EPRS1: variants seen among roughly 807,000 people sequenced by gnomAD.
The protein encoded by EPRS1 is glutamyl-prolyl-tRNA synthetase 1, also known as bifunctional glutamate/proline--tRNA ligase.
EPRS1 carries 107 observed loss-of-function variants against 188.3 expected under a neutral mutation model. That is an observed-to-expected ratio of 0.57 (90% CI 0.49 to 0.67). The LOEUF (loss-of-function observed/expected upper bound fraction) is 0.67, where lower values mean the gene tolerates loss of function less well. EPRS1 is among the 30% of genes least tolerant of loss of function. The pLI is 0.00. For missense variants in EPRS1, 1,577 were observed against 1,802.2 expected, an observed-to-expected ratio of 0.88 and a Z score of 2.26; for synonymous variants, 596 against 593.1, an observed-to-expected ratio of 1.00 and a Z score of -0.07.
intron 18 of EPRS1, among the ~76,000 whole-genome samples, chr1:219,990,648 G>T (rs1558047528): frequency 6.6e-6 from 1 of 152,096 alleles, no homozygotes; most frequent in African/African-American, 2.4e-5. Flanking sequence ...AGAAAACAAA[G>T]ATCTAAATGT....
chr1:219,969,857 G>C (rs1382684043), intron 30 of EPRS1, among the ~76,000 whole-genome samples: 1 of 152,014 alleles, frequency 6.6e-6, no homozygotes, highest in East Asian at 1.9e-4. Context: ...GTCTTACTCT[G>C]TCACCCAGGA....
At chr1:219,970,722 G>A (rs1430612392) in intron 30 of EPRS1, among the ~76,000 whole-genome samples, 1 of 150,180 alleles carries the variant, frequency 6.7e-6, no homozygotes, top group East Asian at 2.0e-4. Flanking sequence ...AGGTTGCAGT[G>A]AGCCGAGATC....
intron 18 of EPRS1, among the ~76,000 whole-genome samples, chr1:219,995,989 T>C (rs1367804536): frequency 6.6e-6 from 1 of 152,188 alleles, no homozygotes; most frequent in African/African-American, 2.4e-5. Flanking sequence ...CAGCCTAAAT[T>C]CTACAATTTC....
rs137908310 is a variant in EPRS1 at position 219,995,317 on chromosome 1, C to T, written c.2541+1666G>A. On this transcript the variant is annotated intron_variant, in intron 18 of 31. Transcript: ENST00000366923. ...TAGTTGACTGTCACTCCAAGTACAA[C>T]GGTTGCTTCTGTTACTATTCCACCC... Among the ~76,000 whole-genome samples the T allele has an allele frequency of 1.8e-3, 279 of 152,280 alleles. 3 individuals carry two copies. Among genetic ancestry groups the T allele is most frequent in the African/African-American group, 6.1e-3 (252 of 41,552 alleles).
chr1:219,970,317 A>G lies in EPRS1; in HGVS notation c.4324-1195T>C, dbSNP rs562967754. Among the ~76,000 whole-genome samples the G allele has an allele frequency of 2.0e-5, 3 of 152,214 alleles. No individual in the cohort carries two copies. In the South Asian group the frequency reaches 6.2e-4, roughly 31 times the overall value. The stretch of plus-strand genomic sequence containing the variant: ...GTGTAAAGCAGCTGAAAATCTAGAG[A>G]TCTATGAAGGTGGAGACCCAAGAGA... On this transcript the variant is annotated intron_variant, in intron 30 of 31. Coordinates refer to ENST00000366923, the MANE Select transcript of EPRS1 (RefSeq NM_004446.3).
rs772230609 is a variant in EPRS1, at chr1:219,980,831, A to G, written c.3480T>C (p.Pro1160=). ...AAAGAAATTCACGAGTACGTAGGAAAGGCTGAGGATGCTTGAATTCCCAAC... is the reference window on the plus strand; with the variant it reads ...AAAGAAATTCACGAGTACGTAGGAAGGGCTGAGGATGCTTGAATTCCCAAC... ...VVRWEFKHPQ[P]FLRTREFLWQ... The change falls in exon 25 of 32, where the codon CCT becomes CCC. Residue 1160 remains proline (P), a synonymous_variant. Coordinates refer to ENST00000366923, the MANE Select transcript of EPRS1 (RefSeq NM_004446.3). 1 of 1,613,030 alleles carries G rather than the reference A, an allele frequency of 6.2e-7. No individual in the cohort carries two copies. The highest frequency in any genetic ancestry group is 1.1e-5 in the South Asian group (1 of 90,812).
intron 18 of EPRS1, among the ~76,000 whole-genome samples, chr1:219,994,286 A>C (rs1043795723): frequency 6.6e-6 from 1 of 151,996 alleles, no homozygotes; most frequent in Admixed American, 6.6e-5. Flanking sequence ...AGTGTGTGTG[A>C]GTGTGCCCTG....
intron 30 of EPRS1, among the ~76,000 whole-genome samples, chr1:219,970,516 C>T (rs1049072461): frequency 2.0e-5 from 3 of 152,084 alleles, no homozygotes; most frequent in Admixed American, 6.5e-5. Flanking sequence ...CAGTGGCTCA[C>T]GCCTGTAATC....
At chr1:220,034,047 C>T (rs1319716992) in intron 3 of EPRS1, among the ~76,000 whole-genome samples, 1 of 151,994 alleles carries the variant, frequency 6.6e-6, no homozygotes, top group Non-Finnish European at 1.5e-5. Context: ...ACTTAGAAAC[C>T]ATTCTGTGTA....
At chr1:219,993,174 A>C in intron 18 of EPRS1, among the ~76,000 whole-genome samples, 1 of 151,454 alleles carries the variant, frequency 6.6e-6, no homozygotes, top group Non-Finnish European at 1.5e-5. Context: ...GGCTGCAGTG[A>C]ACCATGATCA....
rs5030752 is a variant in EPRS1 at position 219,983,362 on chromosome 1, T to C, written c.3127A>G (p.Ile1043Val). Reference protein sequence around the residue: ...TKSEMIEYHDISGCYILRPWA... With the variant: ...TKSEMIEYHDVSGCYILRPWA... ...GGACGAAGAATATAACAGCCACTTA[T>C]GTCATGGTATTCAATCATTTCTGAC... The change falls in exon 22 of 32, where the codon ATA becomes GTA. Residue 1043 changes from isoleucine to valine, a missense_variant. Transcript: ENST00000366923. 129,011 of 1,610,204 alleles carry C rather than the reference T, an allele frequency of 0.08. 5,671 individuals are homozygous for C. Among genetic ancestry groups the C allele is most frequent in the Non-Finnish European group, 0.089 (104,975 of 1,176,426 alleles).
intron 18 of EPRS1, among the ~76,000 whole-genome samples, chr1:219,995,081 G>A (rs1340842551): frequency 6.6e-6 from 1 of 152,170 alleles, no homozygotes; most frequent in Non-Finnish European, 1.5e-5. Flanking sequence ...ATGGTATACA[G>A]TAGGCATTCA....
intron 18 of EPRS1, 120 bp from the exon 19 acceptor site, chr1:219,988,943 CTA>C (rs1661067578): frequency 3.2e-6 from 2 of 621,754 alleles, no homozygotes; most frequent in Admixed American, 6.3e-5. Context: ...ATGGGGAAAC[CTA>C]TGTTAAATCA....
rs776377550 is a variant in EPRS1, at chr1:220,035,029, G to A, written c.132-16C>T. The A allele has an allele frequency of 9.4e-6, 12 of 1,276,544 alleles. No individual in the cohort carries two copies. The highest frequency in any genetic ancestry group is 1.3e-5 in the Non-Finnish European group (12 of 898,848). 79.1% of individuals were successfully genotyped at this position (1,276,544 alleles called of 1,614,324 possible). On this transcript the variant is annotated splice_polypyrimidine_tract_variant and intron_variant, in intron 2 of 31. Transcript: ENST00000366923. ...TATCACATTTCTAGAATATAAGCAC[G>A]AGATAAAATATTACTGCTGCTCTAG...
chr1:220,040,564 G>A (rs2102600904), intron 1 of EPRS1, among the ~76,000 whole-genome samples: 1 of 152,282 alleles, frequency 6.6e-6, no homozygotes, highest in East Asian at 1.9e-4. Context: ...AATTAGTATA[G>A]TGCCAGCCAG....
intron 23 of EPRS1, 42 bp downstream of exon 23, chr1:219,982,730 C>T (rs747228790): frequency 4.6e-6 from 7 of 1,507,022 alleles, no homozygotes; most frequent in Admixed American, 1.7e-5. Flanking sequence ...CTGTCTCTAA[C>T]GTTCAGTGAG....
At chr1:220,032,807 A>G (rs1267267607) in intron 4 of EPRS1, among the ~76,000 whole-genome samples, 1 of 152,166 alleles carries the variant, frequency 6.6e-6, no homozygotes, top group Non-Finnish European at 1.5e-5. Context: ...ATTACAAAGC[A>G]GCATGAGGAA....
intron 28 of EPRS1, among the ~76,000 whole-genome samples, chr1:219,978,307 C>T (rs965893193): frequency 2.6e-5 from 4 of 152,036 alleles, no homozygotes; most frequent in Non-Finnish European, 5.9e-5. Context: ...CGCTCGAGAT[C>T]GTTTTTATTC....
At chr1:220,018,131 T>C (rs1558056784) in intron 12 of EPRS1, 4 of 1,340,038 alleles carry the variant, frequency 3.0e-6, no homozygotes, top group East Asian at 4.5e-5. Context: ...AATACCTTCT[T>C]ACAGAGAGCT....
Sources: gnomAD v4.1 joint callset for allele counts (sites outside exome capture counted in the v4.1 genomes callset) on GRCh38, gnomAD v4.1.1 for gene constraint, MANE v1.5 for transcripts, NCBI Gene and HGNC (gene_info 2026-07-23, HGNC 2026-07-21) for gene names.